Variants in MYO6 observed in about 807,000 individuals in gnomAD.
MYO6 encodes the protein unconventional myosin-VI.
In MYO6, 74 loss-of-function variants were observed where a neutral mutation model predicts 178.7. The ratio of observed to expected loss-of-function variants is 0.41; its 90% CI spans 0.34 to 0.50. MYO6 has a LOEUF of 0.50. MYO6 is among the 20% of genes least tolerant of loss of function. The pLI is 0.09. For synonymous variants in MYO6, 477 were observed against 504.6 expected, an observed-to-expected ratio of 0.95 and a Z score of 0.73; for missense variants, 1,330 against 1,547.4, an observed-to-expected ratio of 0.86 and a Z score of 2.36.
intron 1 of MYO6, among the ~76,000 whole-genome samples, chr6:75,782,052 A>C (rs969577896): frequency 6.6e-6 from 1 of 152,128 alleles, no homozygotes; most frequent in African/African-American, 2.4e-5. Flanking sequence ...CTTACTCTAA[A>C]TATTATAGTG....
chr6:75,841,506 TAGC>T, intron 9 of MYO6, 128 bp downstream of exon 9: 1 of 829,736 alleles, frequency 1.2e-6, no homozygotes, highest in Non-Finnish European at 1.9e-6. Context: ...CTGGGCAATG[TAGC>T]GAGACCCTGT....
intron 1 of MYO6, among the ~76,000 whole-genome samples, chr6:75,773,874 T>C (rs920518455): frequency 2.0e-5 from 3 of 152,168 alleles, no homozygotes; most frequent in African/African-American, 7.2e-5. Context: ...TTGTGGAAAA[T>C]CCACAAAACC....
intron 1 of MYO6, among the ~76,000 whole-genome samples, chr6:75,752,995 G>A (rs1395888686): frequency 6.6e-6 from 1 of 152,088 alleles, no homozygotes; most frequent in Non-Finnish European, 1.5e-5. Context: ...GGGGGGACTC[G>A]TTTTTAGATT....
At position 75,749,254 on chromosome 6, in the gene MYO6, A is replaced by C. The variant is rs1248491696; in HGVS notation, c.-217A>C. 1 of 151,364 alleles carries C rather than the reference A, an allele frequency of 6.6e-6. No homozygotes were observed. The highest frequency in any genetic ancestry group is 6.6e-5 in the Admixed American group (1 of 15,236). 9.4% of individuals were successfully genotyped at this position (151,364 alleles called of 1,614,324 possible). A position where few individuals can be genotyped will look rare whatever the true frequency, so the allele number is the denominator to read the frequency against. On this transcript the variant is annotated 5_prime_UTR_variant, in exon 1 of 35. Transcript: ENST00000369977. ...GCCGGCGGGCGGAGACCGACTCGGG[A>C]TCTGTCCGAGCAGGAAGCCAGCCTC...
chr6:75,777,456 C>A (rs1268681910), intron 1 of MYO6, among the ~76,000 whole-genome samples: 2 of 150,582 alleles, frequency 1.3e-5, no homozygotes, highest in Middle Eastern at 3.4e-3. Context: ...GAAACAGGGT[C>A]TCACTGTGTC....
chr6:75,907,693 A>T lies in MYO6; in HGVS notation c.3265A>T (p.Ile1089Phe). The change falls in exon 31 of 35, where the codon ATC (isoleucine) becomes TTC (phenylalanine). Residue 1089 changes from isoleucine to phenylalanine, a missense_variant. Ile to Phe is a conservative substitution (Grantham distance 21). Transcript: ENST00000369977. ...GAAATATGCAGAACTACGTGATACC[A>T]TCAATACTTCTTGTGGTAAGTGTTT... ...KWKYAELRDT[I>F]NTSCDIELLA... 1 of 1,611,216 alleles carries T rather than the reference A, an allele frequency of 6.2e-7. No individual in the cohort carries two copies. Among genetic ancestry groups the T allele is most frequent in the Non-Finnish European group, 8.5e-7 (1 of 1,177,936 alleles).
chr6:75,871,424 A>G (rs1041269856), intron 19 of MYO6, among the ~76,000 whole-genome samples: 3 of 151,872 alleles, frequency 2.0e-5, no homozygotes, highest in Admixed American at 1.3e-4. Flanking sequence ...TAATTTTTGT[A>G]TTTTTTGTAG....
chr6:75,786,810 G>A (rs941344509), intron 1 of MYO6, among the ~76,000 whole-genome samples: 1 of 152,074 alleles, frequency 6.6e-6, no homozygotes, highest in Non-Finnish European at 1.5e-5. Context: ...TTGACTGTAA[G>A]TTGACATGCT....
Position 75,830,618 on chromosome 6 carries a change from G to A in MYO6, c.391+73G>A, listed in dbSNP as rs193225176. 39 of 1,418,118 alleles carry A rather than the reference G, an allele frequency of 2.8e-5. No homozygotes were observed. In the East Asian group the frequency reaches 8.6e-4, roughly 31 times the overall value. 87.8% of individuals were successfully genotyped at this position (1,418,118 alleles called of 1,614,324 possible). On this transcript the variant is annotated intron_variant, in intron 5 of 34. Coordinates refer to ENST00000369977, the MANE Select transcript of MYO6 (RefSeq NM_004999.4). ...ACAAATTTACTCAATTTTTCTTTTGGATTAATAAAAGATACCATAAATTGA... is the reference window on the plus strand; with the variant it reads ...ACAAATTTACTCAATTTTTCTTTTGAATTAATAAAAGATACCATAAATTGA...
intron 12 of MYO6, among the ~76,000 whole-genome samples, 193 bp downstream of exon 12, chr6:75,855,476 C>T (rs1481475298): frequency 6.6e-6 from 1 of 152,052 alleles, no homozygotes; most frequent in Non-Finnish European, 1.5e-5. Flanking sequence ...ATTTGGAATT[C>T]ATAAGGTAAG....
rs779927038 is a variant in MYO6 at position 75,866,634 on chromosome 6, T to A, written c.1770+13T>A. Reference sequence around the variant, plus strand: ...GTGCTATGAAACAGTGAGTATAACTTTTACAAGGAGAAAACCATTTCATGT... The same window carrying A: ...GTGCTATGAAACAGTGAGTATAACTATTACAAGGAGAAAACCATTTCATGT... On this transcript the variant is annotated intron_variant, in intron 17 of 34. Transcript: ENST00000369977. 56 of 1,603,102 alleles carry A rather than the reference T, an allele frequency of 3.5e-5. No homozygotes were observed. Among genetic ancestry groups the A allele is most frequent in the Non-Finnish European group, 4.7e-5 (55 of 1,169,884 alleles).
At chr6:75,911,771 A>T in intron 33 of MYO6, 73 bp downstream of exon 33, 1 of 1,423,504 alleles carries the variant, frequency 7.0e-7, no homozygotes, top group South Asian at 1.2e-5. Flanking sequence ...ACTAACTTCT[A>T]TTAAAAGTTG....
intron 9 of MYO6, 121 bp from the exon 10 acceptor site, chr6:75,844,776 A>G: frequency 1.4e-6 from 1 of 738,072 alleles, no homozygotes. Context: ...GAGATTATAC[A>G]GTACTCAAGT....
Position 75,914,942 on chromosome 6 carries a change from A to C in MYO6, c.3788A>C (p.Gln1263Pro), listed in dbSNP as rs1458928087. 6.2e-7 allele frequency: 1 copy of C among 1,614,154 alleles called. No individual in the cohort carries two copies. The highest frequency in any genetic ancestry group is 1.7e-5 in the Admixed American group (1 of 60,016). Residue 1263 changes from glutamine to proline, a missense_variant, in exon 35 of 35, where the codon CAG (glutamine) becomes CCG (proline). By Grantham distance (76) the Gln-to-Pro change is moderately conservative (BLOSUM62 -1). Transcript: ENST00000369977. ...CGCTGTGGAGGCATCCAGTACCTTC[A>C]GAATGCGATTGAGAGCAGACAGGCT... ...WERCGGIQYLQNAIESRQARP... is the reference protein window; with the variant it reads ...WERCGGIQYLPNAIESRQARP...
intron 19 of MYO6, among the ~76,000 whole-genome samples, chr6:75,871,160 A>G (rs1420872643): frequency 1.3e-5 from 2 of 152,242 alleles, no homozygotes; most frequent in Non-Finnish European, 2.9e-5. Context: ...TGAGAAAAAC[A>G]TCATAGAAAG....
chr6:75,914,268 C>T lies in MYO6; in HGVS notation c.3645C>T (p.Ile1215=), dbSNP rs146978158. The T allele has an allele frequency of 2.5e-6, 4 of 1,613,982 alleles. No homozygotes were observed. Among genetic ancestry groups the T allele is most frequent in the East Asian group, 2.2e-5 (1 of 44,886 alleles). ...QMELHPDKPP[I]LLVAGKDDME... is the part of the protein sequence containing the mutation. The stretch of plus-strand genomic sequence containing the variant: ...AACTCCATCCTGACAAGCCACCCAT[C>T]CTACTTGTGGCTGGTGTGTATGATT... Residue 1215 remains isoleucine, a synonymous_variant, in exon 34 of 35, where the codon ATC becomes ATT. Transcript: ENST00000369977.
Position 75,840,669 on chromosome 6 carries a change from A to G in MYO6, c.638A>G (p.His213Arg), listed in dbSNP as rs771632478. 1 of 1,610,466 alleles carries G rather than the reference A, an allele frequency of 6.2e-7. No individual in the cohort carries two copies. ...CGATTTGGGAAATTTGTAGAAATACATTTTAATGAAAAGGTAAGTGAGAGT... is the reference window on the plus strand; with the variant it reads ...CGATTTGGGAAATTTGTAGAAATACGTTTTAATGAAAAGGTAAGTGAGAGT... ...SSRFGKFVEIHFNEKSSVVGG... is the reference protein window; with the variant it reads ...SSRFGKFVEIRFNEKSSVVGG... The change falls in exon 8 of 35, where the codon CAT becomes CGT. Residue 213 changes from histidine (H) to arginine (R), a missense_variant. Transcript: ENST00000369977.
At chr6:75,881,026 G>A (rs1423479139) in intron 22 of MYO6, among the ~76,000 whole-genome samples, 1 of 152,142 alleles carries the variant, frequency 6.6e-6, no homozygotes, top group African/African-American at 2.4e-5. Context: ...CTGAAGCAGT[G>A]GGATTGCTTG....
intron 1 of MYO6, among the ~76,000 whole-genome samples, chr6:75,782,277 G>A (rs1486755610): frequency 6.6e-6 from 1 of 152,020 alleles, no homozygotes; most frequent in Admixed American, 6.6e-5. Context: ...GTTTTATATT[G>A]TCATAGATTT....
Sources: allele counts gnomAD v4.1 joint callset (sites outside exome capture counted in the v4.1 genomes callset), GRCh38; gene constraint gnomAD v4.1.1; transcripts MANE v1.5; gene names NCBI Gene and HGNC (gene_info 2026-07-23, HGNC 2026-07-21).